Variants in MDFIC2 observed in about 807,000 individuals in gnomAD.
MDFIC2 encodes the protein MyoD family inhibitor domain containing 2.
At chr3:70,272,831 C>T (rs184817041) in intron 2 of MDFIC2, among the ~76,000 whole-genome samples, 69 of 152,164 alleles carry the variant, frequency 4.5e-4, no homozygotes, top group African/African-American at 1.5e-3. Flanking sequence ...AATTTTCTTT[C>T]GGCAAGACTT....
chr3:70,252,966 G>A (rs1452928787), intron 2 of MDFIC2, among the ~76,000 whole-genome samples: 7 of 152,034 alleles, frequency 4.6e-5, no homozygotes, highest in Non-Finnish European at 8.8e-5. Context: ...TGTAATTCCA[G>A]CTACTAGGGA....
intron 2 of MDFIC2, among the ~76,000 whole-genome samples, chr3:70,233,331 G>C (rs772380732): frequency 2.0e-5 from 3 of 152,174 alleles, no homozygotes; most frequent in Non-Finnish European, 2.9e-5. Context: ...GATGACAGGA[G>C]CAAGATTTCA....
At chr3:70,263,872 C>A (rs776171907) in intron 2 of MDFIC2, among the ~76,000 whole-genome samples, 1 of 152,078 alleles carries the variant, frequency 6.6e-6, no homozygotes, top group South Asian at 2.1e-4. Flanking sequence ...ACTTTGTTTC[C>A]TTTCTCTCGG....
chr3:70,211,818 C>A lies in MDFIC2; in HGVS notation c.89-5028G>T, dbSNP rs181743923. 6.4e-3 allele frequency among the ~76,000 whole-genome samples: 951 copies of A among 147,958 alleles called. 8 individuals carry two copies. Among genetic ancestry groups the A allele is most frequent in the Non-Finnish European group, 0.011 (733 of 66,954 alleles). On this transcript the variant is annotated intron_variant, in intron 2 of 3. Transcript: ENST00000567252. ...TTTTCCTTTCCTTACCCTTCCCTTC[C>A]CTTCCCTTTTTCCTTTTTCCTTTTC...
chr3:70,288,433 A>T (rs908620849), intron 2 of MDFIC2, among the ~76,000 whole-genome samples: 1 of 150,480 alleles, frequency 6.6e-6, no homozygotes, highest in Non-Finnish European at 1.5e-5. Flanking sequence ...ATAGTTTGTT[A>T]TAATTTCTGT....
At position 70,196,078 on chromosome 3, in the gene MDFIC2, G is replaced by A. The variant is rs924811737; in HGVS notation, c.*848C>T. Reference sequence around the variant, plus strand: ...AAATGATAGTTTTGTAAAATGAGCTGAATCTGTTTTAATATCCTGTTGCTT... The same window carrying A: ...AAATGATAGTTTTGTAAAATGAGCTAAATCTGTTTTAATATCCTGTTGCTT... On this transcript the variant is annotated 3_prime_UTR_variant, in exon 4 of 4. Transcript: ENST00000567252. Among the ~76,000 whole-genome samples the A allele has an allele frequency of 6.6e-6, 1 of 152,132 alleles. No individual in the cohort carries two copies. Among genetic ancestry groups the A allele is most frequent in the Non-Finnish European group, 1.5e-5 (1 of 68,014 alleles).
intron 2 of MDFIC2, among the ~76,000 whole-genome samples, chr3:70,274,478 A>G (rs189900374): frequency 1.3e-3 from 192 of 152,274 alleles, no homozygotes; most frequent in Non-Finnish European, 2.4e-3. Context: ...TTTTCTCCAA[A>G]TAATTAATGT....
At chr3:70,297,344 C>T (rs1441648152) in intron 2 of MDFIC2, among the ~76,000 whole-genome samples, 1 of 151,894 alleles carries the variant, frequency 6.6e-6, no homozygotes, top group Non-Finnish European at 1.5e-5. Flanking sequence ...GATGCTTGCT[C>T]TAGACCACAA....
At chr3:70,282,646 T>A (rs1702100184) in intron 2 of MDFIC2, among the ~76,000 whole-genome samples, 1 of 152,216 alleles carries the variant, frequency 6.6e-6, no homozygotes. Flanking sequence ...GTTCTTGCCC[T>A]CATTTCATTC....
intron 2 of MDFIC2, among the ~76,000 whole-genome samples, chr3:70,280,413 C>A (rs1702069598): frequency 6.6e-6 from 1 of 152,142 alleles, no homozygotes; most frequent in Non-Finnish European, 1.5e-5. Flanking sequence ...CAACCTACTA[C>A]ATTTACCTTG....
Position 70,302,872 on chromosome 3 carries a change from GA to G in MDFIC2, c.88+9013del, listed in dbSNP as rs1702364339. Among the ~76,000 whole-genome samples the G allele has an allele frequency of 2.0e-5, 3 of 152,216 alleles. No homozygotes were observed. The South Asian group carries it at 6.2e-4, about 32-fold the overall frequency. On this transcript the variant is annotated intron_variant, in intron 2 of 3. Transcript: ENST00000567252. Reference sequence around the variant, plus strand: ...TGGGATCAATCTCATCATTTTATATGAAATGAACTTAGTACTTCATAGGCTT... The same window carrying G: ...TGGGATCAATCTCATCATTTTATATGAATGAACTTAGTACTTCATAGGCTT...
At position 70,207,451 on chromosome 3, in the gene MDFIC2, A is replaced by G. The variant is rs139956938; in HGVS notation, c.89-661T>C. On this transcript the variant is annotated intron_variant, in intron 2 of 3. Transcript: ENST00000567252. ...TCTGGCACAATAGCTAGAGATGTTC[A>G]GGGAATTTCTAGCGAAGTTCTTGAC... 7.9e-5 allele frequency among the ~76,000 whole-genome samples: 12 copies of G among 152,184 alleles called. No individual in the cohort carries two copies. The East Asian group carries it at 9.7e-4, about 12-fold the overall frequency.
intron 2 of MDFIC2, among the ~76,000 whole-genome samples, chr3:70,226,957 A>G (rs1044373904): frequency 6.6e-6 from 1 of 152,112 alleles, no homozygotes; most frequent in African/African-American, 2.4e-5. Context: ...TAGCCTATAG[A>G]CAATGGAGAG....
At chr3:70,233,013 A>G (rs1168213742) in intron 2 of MDFIC2, among the ~76,000 whole-genome samples, 2 of 152,202 alleles carry the variant, frequency 1.3e-5, no homozygotes, top group Non-Finnish European at 2.9e-5. Flanking sequence ...TCATGGTGAA[A>G]TACAGTCTCT....
At chr3:70,288,210 C>T (rs1702188785) in intron 2 of MDFIC2, among the ~76,000 whole-genome samples, 1 of 135,676 alleles carries the variant, frequency 7.4e-6, no homozygotes, top group Non-Finnish European at 1.6e-5. Flanking sequence ...CTATAAATTT[C>T]CCTCTACACA....
intron 3 of MDFIC2, among the ~76,000 whole-genome samples, chr3:70,203,818 T>C (rs1243765273): frequency 6.6e-6 from 1 of 152,096 alleles, no homozygotes; most frequent in Non-Finnish European, 1.5e-5. Flanking sequence ...AAGGGGACTG[T>C]TTTCTAATAT....
intron 2 of MDFIC2, among the ~76,000 whole-genome samples, chr3:70,295,430 A>G (rs1702280340): frequency 6.6e-6 from 1 of 152,168 alleles, no homozygotes; most frequent in Non-Finnish European, 1.5e-5. Flanking sequence ...AAGCCCAGAC[A>G]TGGTGGCTTA....
chr3:70,279,537 T>G (rs1036603437), intron 2 of MDFIC2, among the ~76,000 whole-genome samples: 1 of 152,184 alleles, frequency 6.6e-6, no homozygotes, highest in Non-Finnish European at 1.5e-5. Flanking sequence ...TTGCCAAATG[T>G]GTCACCCCAT....
chr3:70,305,606 C>T (rs749399989), intron 2 of MDFIC2, among the ~76,000 whole-genome samples: 3 of 152,130 alleles, frequency 2.0e-5, no homozygotes, highest in Non-Finnish European at 2.9e-5. Context: ...GTTTCTTTGT[C>T]TCACATGTTT....
Sources: gnomAD v4.1 joint callset for allele counts (sites outside exome capture counted in the v4.1 genomes callset) on GRCh38, gnomAD v4.1.1 for gene constraint, MANE v1.5 for transcripts, NCBI Gene and HGNC (gene_info 2026-07-23, HGNC 2026-07-21) for gene names.